The following ATP8B2 variants were observed in gnomAD, a reference collection of about 807,000 sequenced individuals.
ATP8B2 encodes the protein phospholipid-transporting ATPase ID.
Under a neutral mutation model 133.4 loss-of-function variants are expected in ATP8B2, and 70 were observed. The ratio of observed to expected loss-of-function variants is 0.52; its 90% confidence interval spans 0.43 to 0.64. ATP8B2 has a LOEUF of 0.64. ATP8B2 is among the 30% of genes least tolerant of loss of function. ATP8B2 has a pLI of 0.00. For synonymous variants in ATP8B2, 517 were observed against 589.5 expected (o/e 0.88, Z 1.78); for missense variants, 1,101 against 1,535.7 (o/e 0.72, Z 4.73).
Position 154,328,086 on chromosome 1 carries a change from C to G in ATP8B2, c.-37-19C>G. On this transcript the variant is annotated intron_variant, in intron 1 of 27. Coordinates refer to ENST00000368489, the MANE Select transcript of ATP8B2 (RefSeq NM_001370597.1). This position sits in a 1 kb window ranked among gnomAD's most constrained non-coding sequence, Gnocchi z 4.6. ...TTATCCTCAGCTTCCTGACCTCATT[C>G]GTCTGTCACTTCTTGCAGGGTCTCC... is the stretch of plus-strand genomic sequence containing the variant. 6.2e-7 allele frequency: 1 copy of G among 1,612,504 alleles called. No homozygotes were observed. Among genetic ancestry groups the G allele is most frequent in the Non-Finnish European group, 8.5e-7 (1 of 1,178,528 alleles).
rs747444330 is a variant in ATP8B2 at position 154,331,759 on chromosome 1, G to C, written c.438+81G>C. 109 of 1,491,486 alleles carry C rather than the reference G, an allele frequency of 7.3e-5. No homozygotes were observed. The highest frequency in any genetic ancestry group is 1.0e-4 in the Non-Finnish European group (108 of 1,069,028). The allele number at this position is 1,491,486 out of a possible 1,614,324, so 92.4% of individuals were successfully genotyped here. On this transcript the variant is annotated intron_variant, in intron 7 of 27. Transcript: ENST00000368489. The surrounding 1 kb of genome is among the most constrained non-coding windows in gnomAD (Gnocchi z 4.8). ...AAGGATGAATCTTTCCTGATTTACTGTTGCCTCTTAAACACCCGTGGCAGG... is the reference window on the plus strand; with the variant it reads ...AAGGATGAATCTTTCCTGATTTACTCTTGCCTCTTAAACACCCGTGGCAGG...
intron 12 of ATP8B2, among the ~76,000 whole-genome samples, chr1:154,339,963 C>T (rs1018773218): frequency 1.5e-4 from 23 of 152,086 alleles, no homozygotes; most frequent in Non-Finnish European, 1.9e-4. Flanking sequence ...GGGAGGATCT[C>T]TTGAGTTCAG....
Position 154,348,435 on chromosome 1 carries a change from C to A in ATP8B2, c.3191C>A (p.Pro1064His). ...AATGCCCAGAACACCTTGGCCCAGC[C>A]CACGGTGTGGCTGACCATTGTGCTC... ...VGNAQNTLAQPTVWLTIVLTT... is the reference protein window; with the variant it reads ...VGNAQNTLAQHTVWLTIVLTT... Residue 1064 changes from proline to histidine, a missense_variant, in exon 27 of 28, where the codon CCC (proline) becomes CAC (histidine). Transcript: ENST00000368489. 1 of 1,611,924 alleles carries A rather than the reference C, an allele frequency of 6.2e-7. No individual in the cohort carries two copies. The highest frequency in any genetic ancestry group is 8.5e-7 in the Non-Finnish European group (1 of 1,178,180).
In ATP8B2 at chr1:154,334,384, GCTT is replaced by G; in HGVS notation, c.749-115_749-113del. 7 of 1,515,994 alleles carry G rather than the reference GCTT, an allele frequency of 4.6e-6. No individual in the cohort carries two copies. The highest frequency in any genetic ancestry group is 1.9e-4 in the Middle Eastern group (1 of 5,376). The allele number at this position is 1,515,994 out of a possible 1,614,324, so 93.9% of individuals were successfully genotyped here. On this transcript the variant is annotated intron_variant, in intron 10 of 27. Coordinates refer to ENST00000368489, the MANE Select transcript of ATP8B2 (RefSeq NM_001370597.1). This position sits in a 1 kb window ranked among gnomAD's most constrained non-coding sequence, Gnocchi z 4.6. ...AAAAAACCTCCAGCTGTGTATACAG[GCTT>G]CTTATCTAGCCAGTATCTCTATTCC...
In ATP8B2 at chr1:154,328,095, C is replaced by T. The variant is rs1264968971; in HGVS notation, c.-37-10C>T. ...GCTTCCTGACCTCATTCGTCTGTCA[C>T]TTCTTGCAGGGTCTCCCATGGGATT... On this transcript the variant is annotated splice_polypyrimidine_tract_variant and intron_variant, in intron 1 of 27. Coordinates refer to ENST00000368489, the MANE Select transcript of ATP8B2 (RefSeq NM_001370597.1). This position sits in a 1 kb window ranked among gnomAD's most constrained non-coding sequence, Gnocchi z 4.6. 6 of 1,613,956 alleles carry T rather than the reference C, an allele frequency of 3.7e-6. No homozygotes were observed. Among genetic ancestry groups the T allele is most frequent in the African/African-American group, 2.7e-5 (2 of 75,034 alleles).
chr1:154,330,922 T>G lies in ATP8B2; in HGVS notation c.198T>G (p.Ile66Met), dbSNP rs890289113. 9.3e-6 allele frequency: 15 copies of G among 1,613,408 alleles called. No homozygotes were observed. The highest frequency in any genetic ancestry group is 1.0e-5 in the Non-Finnish European group (12 of 1,179,390). ...VANTYFLFLL[I>M]LQLIPQISSL... ...ACACTTACTTCCTGTTCCTCCTCAT[T>G]CTGCAGGTAGGTGACCCATAGTAGA... is the stretch of plus-strand genomic sequence containing the variant. The change falls in exon 4 of 28, where the codon ATT (isoleucine) becomes ATG (methionine). Residue 66 changes from isoleucine to methionine, a missense_variant. Transcript: ENST00000368489.
chr1:154,332,090 A>C, intron 8 of ATP8B2, 66 bp downstream of exon 8: 1 of 1,531,734 alleles, frequency 6.5e-7, no homozygotes, highest in South Asian at 1.1e-5. Flanking sequence ...ATTGTCTTTG[A>C]ATGAGGTTCT....
intron 26 of ATP8B2, among the ~76,000 whole-genome samples, chr1:154,348,100 G>A (rs984059561): frequency 1.2e-4 from 19 of 152,134 alleles, no homozygotes; most frequent in African/African-American, 4.6e-4. Flanking sequence ...CAACTGAATG[G>A]GTTGTGGCAT....
At chr1:154,335,614 C>T (rs1254903081) in intron 11 of ATP8B2, among the ~76,000 whole-genome samples, 13 of 152,018 alleles carry the variant, frequency 8.6e-5, no homozygotes, top group Non-Finnish European at 1.9e-4. Flanking sequence ...ATTGCTTGGC[C>T]TGGGAGATTG....
Position 154,348,497 on chromosome 1 carries a change from C to A in ATP8B2, c.3253C>A (p.Arg1085=). The change falls in exon 27 of 28, where the codon CGA becomes AGA. Residue 1085 remains arginine (R), a synonymous_variant. Coordinates refer to ENST00000368489, the MANE Select transcript of ATP8B2 (RefSeq NM_001370597.1). ...CTGCATCATGCCCGTGGTTGCCTTC[C>A]GATTCCTCAGGCTCAACCTGAAGCC... The part of the protein sequence containing the change: ...VVCIMPVVAF[R]FLRLNLKPDL... 3 of 1,614,128 alleles carry A rather than the reference C, an allele frequency of 1.9e-6. No homozygotes were observed. The highest frequency in any genetic ancestry group is 3.3e-5 in the Admixed American group (2 of 60,030).
Position 154,343,092 on chromosome 1 carries a change from G to C in ATP8B2, c.1454-21G>C. On this transcript the variant is annotated intron_variant, in intron 15 of 27. Coordinates refer to ENST00000368489, the MANE Select transcript of ATP8B2 (RefSeq NM_001370597.1). This position sits in a 1 kb window ranked among gnomAD's most constrained non-coding sequence, Gnocchi z 5.8. Reference sequence around the variant, plus strand: ...CTGAGGGAAGCCACTTATATCACGTGTATTCTTCCTCCCCACCCAGGAGAG... The same window carrying C: ...CTGAGGGAAGCCACTTATATCACGTCTATTCTTCCTCCCCACCCAGGAGAG... The C allele has an allele frequency of 6.2e-7, 1 of 1,607,212 alleles. No homozygotes were observed. Among genetic ancestry groups the C allele is most frequent in the Non-Finnish European group, 8.5e-7 (1 of 1,176,404 alleles).
chr1:154,329,120 C>T (rs1030990293), intron 2 of ATP8B2: 4 of 1,218,834 alleles, frequency 3.3e-6, no homozygotes, highest in Admixed American at 3.1e-5. Flanking sequence ...CCCATTATTT[C>T]CCCCCTCCAA....
At chr1:154,330,323 A>G (rs768751693) in intron 2 of ATP8B2, 73 bp from the exon 3 acceptor site, 17 of 1,374,084 alleles carry the variant, frequency 1.2e-5, no homozygotes, top group Non-Finnish European at 1.6e-5. Flanking sequence ...GGAAAAAAAC[A>G]GGGAACCCCC....
rs1012294202 is a variant in ATP8B2 at position 154,328,732 on chromosome 1, C to G, written c.31+560C>G. 21 of 934,508 alleles carry G rather than the reference C, an allele frequency of 2.2e-5. No homozygotes were observed. In the African/African-American group the frequency reaches 3.7e-4, roughly 17 times the overall value. The allele number at this position is 934,508 out of a possible 1,614,324, so 57.9% of individuals were successfully genotyped here. A position where few individuals can be genotyped will look rare whatever the true frequency, so the allele number is the denominator to read the frequency against. On this transcript the variant is annotated intron_variant, in intron 2 of 27. Transcript: ENST00000368489. The surrounding 1 kb of genome is among the most constrained non-coding windows in gnomAD (Gnocchi z 4.6). ...GGAACCCTGGGCGTGCTCGGCGTGT[C>G]CGGGGCCACTCAGCGCACGCTGGCA...
Position 154,328,881 on chromosome 1 carries a change from C to T in ATP8B2, c.31+709C>T. On this transcript the variant is annotated intron_variant, in intron 2 of 27. Transcript: ENST00000368489. This position sits in a 1 kb window ranked among gnomAD's most constrained non-coding sequence, Gnocchi z 4.6. Reference sequence around the variant, plus strand: ...GCGCGCGCCCGACGGCTGGGGCTCCCCTCTGAGCGGCTGCGGCTCCTGCAC... The same window carrying T: ...GCGCGCGCCCGACGGCTGGGGCTCCTCTCTGAGCGGCTGCGGCTCCTGCAC... The T allele has an allele frequency of 8.0e-7, 1 of 1,256,700 alleles. No homozygotes were observed. Among genetic ancestry groups the T allele is most frequent in the Non-Finnish European group, 1.0e-6 (1 of 968,610 alleles). The allele number at this position is 1,256,700 out of a possible 1,614,324, so 77.8% of individuals were successfully genotyped here. A position where few individuals can be genotyped will look rare whatever the true frequency, so the allele number is the denominator to read the frequency against.
chr1:154,329,064 C>CTT, intron 2 of ATP8B2: 1 of 1,302,394 alleles, frequency 7.7e-7, no homozygotes, highest in Non-Finnish European at 1.0e-6. Flanking sequence ...AAGAAGCCCT[C>CTT]TTGGGGGACA....
chr1:154,338,970 G>A (rs144509536), intron 12 of ATP8B2, among the ~76,000 whole-genome samples: 25 of 152,344 alleles, frequency 1.6e-4, no homozygotes, highest in East Asian at 1.3e-3. Flanking sequence ...GGGGAGGATC[G>A]GAGGAAGACG....
At position 154,348,535 on chromosome 1, in the gene ATP8B2, C is replaced by T; in HGVS notation, c.3291C>T (p.Asp1097=). ...LRLNLKPDLS[D]TVRYTQLVRK... The stretch of plus-strand genomic sequence containing the variant: ...TCAACCTGAAGCCGGATCTCTCCGA[C>T]ACGGTGAGAAGCCAGGCTACCTGCT... The change falls in exon 27 of 28, where the codon GAC becomes GAT. Residue 1097 remains aspartate (D), a synonymous_variant. Transcript: ENST00000368489. 1 of 1,613,568 alleles carries T rather than the reference C, an allele frequency of 6.2e-7. No homozygotes were observed. Among genetic ancestry groups the T allele is most frequent in the Non-Finnish European group, 8.5e-7 (1 of 1,179,718 alleles).
At position 154,343,854 on chromosome 1, in the gene ATP8B2, C is replaced by T. The variant is rs747899516; in HGVS notation, c.1759-39C>T. Reference sequence around the variant, plus strand: ...CGCCCTCACGCTGTCCATTAGCTCTCCAGACTTACCCAGGTGTGCCTTTCC... The same window carrying T: ...CGCCCTCACGCTGTCCATTAGCTCTTCAGACTTACCCAGGTGTGCCTTTCC... On this transcript the variant is annotated intron_variant, in intron 17 of 27. Coordinates refer to ENST00000368489, the MANE Select transcript of ATP8B2 (RefSeq NM_001370597.1). The surrounding 1 kb of genome is among the most constrained non-coding windows in gnomAD (Gnocchi z 5.8). 4 of 1,572,688 alleles carry T rather than the reference C, an allele frequency of 2.5e-6. No homozygotes were observed. The East Asian group carries it at 6.7e-5, about 26-fold the overall frequency.
Sources: gnomAD v4.1 joint callset for allele counts (sites outside exome capture counted in the v4.1 genomes callset) on GRCh38, gnomAD v4.1.1 for gene constraint, Gnocchi (gnomAD v3.1) non-coding constraint, MANE v1.5 for transcripts, NCBI Gene and HGNC (gene_info 2026-07-23, HGNC 2026-07-21) for gene names.